LEPR: variants seen among roughly 807,000 people sequenced by gnomAD.
The protein encoded by LEPR is leptin receptor, also known as OB receptor.
LEPR carries 56 observed loss-of-function variants against 114.7 expected under a neutral mutation model. That is an observed-to-expected ratio of 0.49 (90% CI 0.39 to 0.61). The LOEUF (loss-of-function observed/expected upper bound fraction) is 0.61. Among genes scored for constraint, LEPR ranks in the 20% least tolerant of loss-of-function variants. LEPR has a pLI of 0.00. For missense variants in LEPR, 1,202 were observed against 1,352.9 expected, an observed-to-expected ratio of 0.89 and a Z score of 1.75; for synonymous variants, 443 against 461.4, an observed-to-expected ratio of 0.96 and a Z score of 0.51.
chr1:65,501,192 C>G (rs1200535717), intron 2 of LEPR, among the ~76,000 whole-genome samples: 1 of 151,942 alleles, frequency 6.6e-6, no homozygotes, highest in Non-Finnish European at 1.5e-5. Flanking sequence ...AAACATACTA[C>G]AAACTGGGTG....
intron 10 of LEPR, among the ~76,000 whole-genome samples, chr1:65,603,729 T>G (rs528285843): frequency 6.6e-6 from 1 of 150,770 alleles, no homozygotes; most frequent in African/African-American, 2.4e-5. Context: ...TCATCAGCTA[T>G]CGTTAGTATA....
At chr1:65,572,582 T>C in intron 5 of LEPR, 133 bp downstream of exon 5, 1 of 952,866 alleles carries the variant, frequency 1.0e-6, no homozygotes, top group South Asian at 1.8e-5. Context: ...TAATATAGCA[T>C]TCTGCTCTGT....
At chr1:65,501,001 A>G (rs1379606969) in intron 2 of LEPR, among the ~76,000 whole-genome samples, 1 of 152,126 alleles carries the variant, frequency 6.6e-6, no homozygotes, top group Non-Finnish European at 1.5e-5. Context: ...TAATGCTCAA[A>G]TCAGTGGACA....
intron 2 of LEPR, among the ~76,000 whole-genome samples, chr1:65,492,814 T>C (rs6662734): frequency 0.039 from 3,977 of 101,660 alleles, 180 homozygotes; most frequent in African/African-American, 0.15. Flanking sequence ...TTCATCCATC[T>C]TTTTTTTTTT....
chr1:65,447,774 A>C (rs1646732403), intron 2 of LEPR, among the ~76,000 whole-genome samples: 1 of 152,006 alleles, frequency 6.6e-6, no homozygotes, highest in Non-Finnish European at 1.5e-5. Flanking sequence ...CCTGGGCCCC[A>C]AGTGATTTCA....
intron 2 of LEPR, among the ~76,000 whole-genome samples, chr1:65,426,092 CTGGGAAG>C (rs1646358023): frequency 7.4e-6 from 1 of 136,006 alleles, no homozygotes; most frequent in Admixed American, 7.0e-5. Flanking sequence ...AGCACAGAAG[CTGGGAAG>C]ACAGTGGTCA....
At chr1:65,571,982 A>C (rs1248802629) in intron 4 of LEPR, among the ~76,000 whole-genome samples, 1 of 149,840 alleles carries the variant, frequency 6.7e-6, no homozygotes, top group South Asian at 2.1e-4. Context: ...AAAAAAAAAA[A>C]AAAAAAAGGA....
intron 5 of LEPR, among the ~76,000 whole-genome samples, chr1:65,579,098 T>C (rs1654801426): frequency 6.6e-6 from 1 of 152,166 alleles, no homozygotes; most frequent in Non-Finnish European, 1.5e-5. Context: ...AGTTATCTAG[T>C]TGGTGAGAAG....
intron 3 of LEPR, 126 bp downstream of exon 3, chr1:65,565,731 C>G: frequency 7.9e-7 from 1 of 1,261,370 alleles, no homozygotes; most frequent in Non-Finnish European, 1.1e-6. Flanking sequence ...CTCATACATG[C>G]TTATGATTAA....
intron 5 of LEPR, among the ~76,000 whole-genome samples, chr1:65,572,841 C>T (rs1036080630): frequency 1.3e-5 from 2 of 152,220 alleles, no homozygotes; most frequent in African/African-American, 4.8e-5. Context: ...CTCTCATTAG[C>T]AGCTCTCTTA....
chr1:65,470,535 A>G (rs1211039634), intron 2 of LEPR, among the ~76,000 whole-genome samples: 2 of 152,204 alleles, frequency 1.3e-5, no homozygotes, highest in African/African-American at 4.8e-5. Flanking sequence ...GTTGTGAATG[A>G]ATAATGTAAA....
At chr1:65,433,566 A>G (rs1646517611) in intron 2 of LEPR, 2 of 984,932 alleles carry the variant, frequency 2.0e-6, no homozygotes, top group South Asian at 9.6e-5. Flanking sequence ...ATTAGCAGGT[A>G]TGATGCTGGG....
chr1:65,461,137 G>GC (rs1243835337), intron 2 of LEPR, among the ~76,000 whole-genome samples: 1 of 151,812 alleles, frequency 6.6e-6, no homozygotes, highest in Non-Finnish European at 1.5e-5. Flanking sequence ...CACCATGCCT[G>GC]CCAAATTTTG....
chr1:65,554,109 C>T (rs1557659286), intron 2 of LEPR, among the ~76,000 whole-genome samples: 1 of 152,142 alleles, frequency 6.6e-6, no homozygotes, highest in Non-Finnish European at 1.5e-5. Context: ...CCACCAGATG[C>T]CAGCTGGAGC....
chr1:65,455,015 C>T (rs1381450347), intron 2 of LEPR, among the ~76,000 whole-genome samples: 1 of 152,138 alleles, frequency 6.6e-6, no homozygotes, highest in African/African-American at 2.4e-5. Context: ...CTTCCCTTCT[C>T]ACTTCATTTC....
chr1:65,603,526 T>C (rs534955295), intron 10 of LEPR, among the ~76,000 whole-genome samples: 1 of 152,326 alleles, frequency 6.6e-6, no homozygotes, highest in Non-Finnish European at 1.5e-5. Flanking sequence ...AATATAGTAT[T>C]CAGAGCAAAC....
intron 2 of LEPR, among the ~76,000 whole-genome samples, chr1:65,495,283 C>G (rs545853745): frequency 6.6e-6 from 1 of 152,246 alleles, no homozygotes; most frequent in East Asian, 1.9e-4. Context: ...AGATGGCCAA[C>G]AGATGGAAGA....
intron 5 of LEPR, chr1:65,578,143 T>A (rs1654725844): frequency 6.7e-6 from 1 of 148,254 alleles, no homozygotes; most frequent in African/African-American, 2.7e-5. Flanking sequence ...GAACTTATCC[T>A]TTTTTATGGC....
At chr1:65,460,920 T>TA (rs566836039) in intron 2 of LEPR, among the ~76,000 whole-genome samples, 56 of 150,940 alleles carry the variant, frequency 3.7e-4, no homozygotes, top group Non-Finnish European at 6.9e-4. Flanking sequence ...TTGAGAAAAA[T>TA]AAAAATACAT....
Sources: gnomAD v4.1 joint callset for allele counts (sites outside exome capture counted in the v4.1 genomes callset) on GRCh38, gnomAD v4.1.1 for gene constraint, MANE v1.5 for transcripts, NCBI Gene and HGNC (gene_info 2026-07-23, HGNC 2026-07-21) for gene names.